Variants in MYOM1 observed in about 807,000 individuals in gnomAD.
MYOM1 encodes myomesin 1, also known as myomesin-1.
In MYOM1, 164 loss-of-function variants were observed where a neutral mutation model predicts 205.3. The ratio of observed to expected loss-of-function variants is 0.80; its 90% CI spans 0.70 to 0.91. The LOEUF (loss-of-function observed/expected upper bound fraction) is 0.91, where lower values mean the gene tolerates loss of function less well. MYOM1 is among the 40% of genes least tolerant of loss of function. The probability of loss-of-function intolerance (pLI) is 0.00; values close to 1 mark genes in which losing one functional copy is unlikely to be tolerated. For synonymous variants in MYOM1, 772 were observed against 789.4 expected, an observed-to-expected ratio of 0.98 and a Z score of 0.37; for missense variants, 2,011 against 2,127.3, an observed-to-expected ratio of 0.95 and a Z score of 1.08.
chr18:3,243,516 T>C, the MYOM1 span, among the ~76,000 whole-genome samples: 2 of 152,196 alleles, frequency 1.3e-5, no homozygotes, highest in Non-Finnish European at 2.9e-5. Context: ...AAATAAAATA[T>C]GGGCTTCGGG....
At chr18:3,084,518 T>A (rs955185463) in intron 31 of MYOM1, among the ~76,000 whole-genome samples, 1 of 152,220 alleles carries the variant, frequency 6.6e-6, no homozygotes, top group African/African-American at 2.4e-5. Context: ...AGACTTCTGC[T>A]GTTTGTTAGC....
At chr18:3,184,107 T>C (rs1598749966) in intron 5 of MYOM1, among the ~76,000 whole-genome samples, 1 of 152,130 alleles carries the variant, frequency 6.6e-6, no homozygotes, top group African/African-American at 2.4e-5. Flanking sequence ...GTTTTCTCCA[T>C]GTTGGCCAGG....
rs1425575470 is a variant in MYOM1 at position 3,168,837 on chromosome 18, T to C, written c.1319A>G (p.Glu440Gly). 5.0e-6 allele frequency: 8 copies of C among 1,613,788 alleles called. No individual in the cohort carries two copies. Among genetic ancestry groups the C allele is most frequent in the Non-Finnish European group, 6.8e-6 (8 of 1,179,858 alleles). Residue 440 changes from glutamate to glycine, a missense_variant, in exon 9 of 38, where the codon GAG (glutamate) becomes GGG (glycine). Glu to Gly is a moderately conservative substitution (Grantham distance 98). Coordinates refer to ENST00000356443, the MANE Select transcript of MYOM1 (RefSeq NM_003803.4). ...CTCACCGTTTCTGTACCACTGGATC[T>C]CTGGCTGGAAATGTTTAATTTCAGG... ...ITPEIKHFQP[E>G]IQWYRNGVPL...
intron 5 of MYOM1, among the ~76,000 whole-genome samples, chr18:3,186,905 GGAAA>G (rs1308734070): frequency 7.8e-6 from 1 of 128,708 alleles, no homozygotes; most frequent in Non-Finnish European, 1.7e-5. Context: ...AAAGAAGGAA[GGAAA>G]GAAAGAGGAA....
At chr18:3,118,874 G>A (rs2079645138) in intron 20 of MYOM1, among the ~76,000 whole-genome samples, 1 of 152,112 alleles carries the variant, frequency 6.6e-6, no homozygotes, top group Admixed American at 6.5e-5. Context: ...CTGCTCTTGA[G>A]TTTCTCTTGG....
chr18:3,195,995 T>G (rs909001977), intron 2 of MYOM1, among the ~76,000 whole-genome samples: 3 of 152,210 alleles, frequency 2.0e-5, no homozygotes, highest in African/African-American at 7.2e-5. Flanking sequence ...ATGTTATGTG[T>G]TATATAGTAC....
chr18:3,072,350 C>CTGTTTTTTTTTTT (rs2078968666), intron 36 of MYOM1, among the ~76,000 whole-genome samples: 2 of 56,226 alleles, frequency 3.6e-5, no homozygotes, highest in East Asian at 5.3e-4. Context: ...CCGCACCCGG[C>CTGTTTTTTTTTTT]TTTTTTTTTT....
At chr18:3,178,624 AAAAC>A (rs1385814255) in intron 5 of MYOM1, among the ~76,000 whole-genome samples, 1 of 152,182 alleles carries the variant, frequency 6.6e-6, no homozygotes, top group Non-Finnish European at 1.5e-5. Flanking sequence ...TTCTACACTT[AAAAC>A]AAACAAACAC....
At chr18:3,117,911 G>A (rs2079629161) in intron 20 of MYOM1, among the ~76,000 whole-genome samples, 2 of 152,070 alleles carry the variant, frequency 1.3e-5, no homozygotes, top group South Asian at 4.1e-4. Context: ...TACCTCACAC[G>A]AATGTGGCAT....
chr18:3,070,700 A>G (rs146227651), intron 37 of MYOM1, among the ~76,000 whole-genome samples: 97 of 152,158 alleles, frequency 6.4e-4, no homozygotes, highest in African/African-American at 2.1e-3. Context: ...ACATCAGTTT[A>G]AAACCAAATG....
chr18:3,138,030 A>G (rs1165756013), intron 14 of MYOM1, among the ~76,000 whole-genome samples: 1 of 152,008 alleles, frequency 6.6e-6, no homozygotes. Context: ...TTTTAATGAG[A>G]CTCTATTCTT....
intron 37 of MYOM1, among the ~76,000 whole-genome samples, chr18:3,069,253 G>T (rs1384496383): frequency 1.3e-5 from 2 of 152,138 alleles, no homozygotes; most frequent in Admixed American, 1.3e-4. Context: ...ATTCTGATAG[G>T]TGTGGTGTGA....
upstream of MYOM1, among the ~76,000 whole-genome samples, chr18:3,220,452 C>T (rs1662312): frequency 0.11 from 17,328 of 152,252 alleles, 1,360 homozygotes; most frequent in African/African-American, 0.22. Context: ...ATTTCTCTCA[C>T]TTCAGGAAAA....
chr18:3,075,046 C>T (rs1483274185), intron 36 of MYOM1, among the ~76,000 whole-genome samples: 1 of 152,194 alleles, frequency 6.6e-6, no homozygotes, highest in Non-Finnish European at 1.5e-5. Flanking sequence ...CCGCCCACCT[C>T]GGCCTCCCAA....
At chr18:3,096,503 T>C (rs1305960640) in intron 25 of MYOM1, among the ~76,000 whole-genome samples, 1 of 151,110 alleles carries the variant, frequency 6.6e-6, no homozygotes, top group South Asian at 2.1e-4. Flanking sequence ...GGCAATGGCA[T>C]GATCTCGGCT....
rs761762328 is a variant in MYOM1, at chr18:3,142,047, G to C, written c.1917C>G (p.Gly639=). 3.1e-6 allele frequency: 5 copies of C among 1,613,720 alleles called. No homozygotes were observed. Among genetic ancestry groups the C allele is most frequent in the South Asian group, 1.1e-5 (1 of 91,062 alleles). Residue 639 remains glycine (G), a synonymous_variant, in exon 14 of 38, where the codon GGC becomes GGG. Transcript: ENST00000356443. ...EEEPSEGIVP[G]PPTDLSVTEA... ...CAGTGACAGAGAGGTCTGTCGGGGG[G>C]CCAGGCACAATACCCTCTGAAAAAC...
chr18:3,077,255 T>C (rs776574122), intron 34 of MYOM1, among the ~76,000 whole-genome samples: 3 of 152,026 alleles, frequency 2.0e-5, no homozygotes, highest in Non-Finnish European at 4.4e-5. Flanking sequence ...CTGGGCTCAA[T>C]CGATCCCCCT....
In MYOM1 at chr18:3,083,972, C is replaced by T. The variant is rs201136152; in HGVS notation, c.4378+17G>A. On this transcript the variant is annotated intron_variant, in intron 32 of 37. Coordinates refer to ENST00000356443, the MANE Select transcript of MYOM1 (RefSeq NM_003803.4). ...AGGATCATAAAGCATTGTTGTGGTG[C>T]GAAATGTTTGACTCACCTATTTTTT... 2.2e-5 allele frequency: 35 copies of T among 1,587,148 alleles called. No individual in the cohort carries two copies. Among genetic ancestry groups the T allele is most frequent in the Admixed American group, 7.2e-5 (4 of 55,730 alleles).
At chr18:3,242,784 C>T in the MYOM1 span, among the ~76,000 whole-genome samples, 5 of 152,342 alleles carry the variant, frequency 3.3e-5, no homozygotes, top group South Asian at 6.2e-4. Context: ...GCTGGGATTA[C>T]AGGCATGAGC....
Sources: gnomAD v4.1 joint callset for allele counts (sites outside exome capture counted in the v4.1 genomes callset) on GRCh38, gnomAD v4.1.1 for gene constraint, MANE v1.5 for transcripts, NCBI Gene and HGNC (gene_info 2026-07-23, HGNC 2026-07-21) for gene names.